ASIC2: variants seen among roughly 807,000 people sequenced by gnomAD.
ASIC2 encodes the protein acid sensing ion channel subunit 2, also known as acid-sensing ion channel 2.
A neutral mutation model predicts 57.3 loss-of-function variants in ASIC2; 25 were observed. The ratio of observed to expected loss-of-function variants is 0.44; its 90% CI spans 0.32 to 0.61. The LOEUF is 0.61. Among genes scored for constraint, ASIC2 ranks in the 20% least tolerant of loss-of-function variants. The probability of loss-of-function intolerance (pLI) is 0.06; values close to 1 mark genes in which losing one functional copy is unlikely to be tolerated. For synonymous variants in ASIC2, 319 were observed against 307.5 expected, an observed-to-expected ratio of 1.04 and a Z score of -0.39; for missense variants, 641 against 738.1, an observed-to-expected ratio of 0.87 and a Z score of 1.52.
intron 1 of ASIC2, among the ~76,000 whole-genome samples, chr17:33,929,097 T>A (rs1487848591): frequency 1.3e-5 from 2 of 152,166 alleles, no homozygotes; most frequent in Non-Finnish European, 2.9e-5. Flanking sequence ...TGCTGGGGCC[T>A]AAACTGCCTC....
At chr17:33,156,940 A>G (rs904494478) in intron 1 of ASIC2, among the ~76,000 whole-genome samples, 1 of 152,142 alleles carries the variant, frequency 6.6e-6, no homozygotes, top group Non-Finnish European at 1.5e-5. Context: ...GCCTCTTGAC[A>G]TGCTCAGACA....
At chr17:33,943,435 T>A (rs979787537) in intron 1 of ASIC2, among the ~76,000 whole-genome samples, 2 of 152,148 alleles carry the variant, frequency 1.3e-5, no homozygotes, top group African/African-American at 4.8e-5. Context: ...CATGGCACTT[T>A]ATAGTTTGCA....
intron 1 of ASIC2, among the ~76,000 whole-genome samples, chr17:33,570,189 T>A (rs752530033): frequency 6.6e-6 from 1 of 152,256 alleles, no homozygotes; most frequent in Non-Finnish European, 1.5e-5. Context: ...TTGACTTTTG[T>A]GTCCTTAAAT....
chr17:33,551,901 A>C (rs4795805), intron 1 of ASIC2, among the ~76,000 whole-genome samples: 86,111 of 151,954 alleles, frequency 0.57, 25,552 homozygotes, highest in African/African-American at 0.75. Context: ...CCAAGCTGTG[A>C]CCAGAAAATG....
intron 1 of ASIC2, among the ~76,000 whole-genome samples, chr17:33,243,235 A>C (rs1412928304): frequency 6.6e-6 from 1 of 152,272 alleles, no homozygotes; most frequent in Non-Finnish European, 1.5e-5. Context: ...CTAGTACATC[A>C]AACCCAGATT....
chr17:33,285,511 C>T (rs1216542565), intron 1 of ASIC2, among the ~76,000 whole-genome samples: 1 of 152,236 alleles, frequency 6.6e-6, no homozygotes, highest in Admixed American at 6.5e-5. Context: ...CAGAACTTTT[C>T]AGCTAAATCC....
intron 1 of ASIC2, among the ~76,000 whole-genome samples, chr17:33,815,961 G>T (rs921619038): frequency 1.5e-4 from 23 of 152,248 alleles, no homozygotes; most frequent in African/African-American, 5.5e-4. Context: ...TAGACATGTG[G>T]GCTATTATAG....
intron 1 of ASIC2, among the ~76,000 whole-genome samples, chr17:33,285,372 T>C (rs1225699232): frequency 2.6e-5 from 4 of 152,266 alleles, no homozygotes; most frequent in African/African-American, 9.6e-5. Flanking sequence ...TCTCTAGCAC[T>C]TCAATAACTT....
At chr17:33,961,551 G>T (rs1424698280) in intron 1 of ASIC2, among the ~76,000 whole-genome samples, 2 of 152,162 alleles carry the variant, frequency 1.3e-5, no homozygotes, top group Non-Finnish European at 1.5e-5. Flanking sequence ...TGCCTGCATC[G>T]TCCTCACAGG....
chr17:34,022,641 C>CAAA (rs755726883), intron 1 of ASIC2, among the ~76,000 whole-genome samples: 28 of 124,792 alleles, frequency 2.2e-4, no homozygotes, highest in African/African-American at 8.2e-4. Context: ...AAAAAAAAAA[C>CAAA]AAAAAAAAAA....
chr17:33,748,577 A>G (rs181115315), intron 1 of ASIC2, among the ~76,000 whole-genome samples: 11 of 152,328 alleles, frequency 7.2e-5, no homozygotes, highest in African/African-American at 2.6e-4. Flanking sequence ...GTAGGGTGGA[A>G]GTGGCAGGAT....
At chr17:33,859,372 A>C (rs1376588726) in intron 1 of ASIC2, among the ~76,000 whole-genome samples, 1 of 152,210 alleles carries the variant, frequency 6.6e-6, no homozygotes, top group East Asian at 1.9e-4. Flanking sequence ...CCAGGAAAAG[A>C]AAGGAGGAAA....
At chr17:33,595,904 A>C (rs1371366816) in intron 1 of ASIC2, among the ~76,000 whole-genome samples, 1 of 151,818 alleles carries the variant, frequency 6.6e-6, no homozygotes, top group African/African-American at 2.4e-5. Context: ...GGCTCTACTT[A>C]TTTTCTGGAG....
intron 1 of ASIC2, among the ~76,000 whole-genome samples, chr17:33,285,618 TC>T (rs1237138142): frequency 6.6e-6 from 1 of 152,178 alleles, no homozygotes; most frequent in Non-Finnish European, 1.5e-5. Flanking sequence ...GGGCTGGACT[TC>T]CCAGGACACA....
intron 1 of ASIC2, among the ~76,000 whole-genome samples, chr17:34,135,966 G>T (rs1289443712): frequency 6.6e-6 from 1 of 151,940 alleles, no homozygotes; most frequent in Non-Finnish European, 1.5e-5. Flanking sequence ...ACAATTATAA[G>T]CACCCCCACC....
chr17:33,304,457 T>C (rs8074585), intron 1 of ASIC2, among the ~76,000 whole-genome samples: 36,628 of 152,154 alleles, frequency 0.24, 5,079 homozygotes, highest in African/African-American at 0.38. Flanking sequence ...AAAGTGTTCT[T>C]ACTGTAATAG....
chr17:33,733,196 G>C (rs1165929052), intron 1 of ASIC2, among the ~76,000 whole-genome samples: 1 of 152,102 alleles, frequency 6.6e-6, no homozygotes, highest in Non-Finnish European at 1.5e-5. Context: ...GAAAGAAAAG[G>C]GTCCAGTGCA....
At chr17:33,763,900 A>G (rs1910856654) in intron 1 of ASIC2, among the ~76,000 whole-genome samples, 1 of 152,034 alleles carries the variant, frequency 6.6e-6, no homozygotes, top group Admixed American at 6.6e-5. Context: ...ATTCTTAGAA[A>G]CCACTCTGCT....
intron 1 of ASIC2, among the ~76,000 whole-genome samples, chr17:33,667,206 T>C (rs897336592): frequency 6.6e-6 from 1 of 152,184 alleles, no homozygotes; most frequent in Non-Finnish European, 1.5e-5. Flanking sequence ...GCTTGGAAAT[T>C]CTACCACGCC....
Sources: allele counts gnomAD v4.1 joint callset (sites outside exome capture counted in the v4.1 genomes callset), GRCh38; gene constraint gnomAD v4.1.1; transcripts MANE v1.5; gene names NCBI Gene and HGNC (gene_info 2026-07-23, HGNC 2026-07-21).